The following PFKFB1 variants were observed in gnomAD, a reference collection of about 807,000 sequenced individuals.
PFKFB1 encodes 6-phosphofructo-2-kinase/fructose-2,6-bisphosphatase 1.
In PFKFB1, 34 loss-of-function variants were observed where a neutral mutation model predicts 46.4. That is an observed-to-expected ratio of 0.73 (90% CI 0.56 to 0.98). PFKFB1 has a LOEUF of 0.98. PFKFB1 is among the 50% of genes least tolerant of loss of function. The probability of loss-of-function intolerance (pLI) is 0.00; values close to 1 mark genes in which losing one functional copy is unlikely to be tolerated. For synonymous variants in PFKFB1, 119 were observed against 133.8 expected (o/e 0.89, Z 0.76); for missense variants, 393 against 376.3 (o/e 1.04, Z -0.37).
intron 3 of PFKFB1, 60 bp downstream of exon 3, chrX:54,960,764 T>G (rs756664554): frequency 1.5e-5 from 12 of 784,106 alleles, no homozygotes; most frequent in Non-Finnish European, 2.3e-5. Context: ...TCCCCCAATA[T>G]CTGAACAAGG....
At chrX:54,997,713 C>T (rs1287427974), upstream of PFKFB1, among the ~76,000 whole-genome samples, 1 of 111,275 alleles carries the variant, frequency 9.0e-6, no homozygotes, top group Non-Finnish European at 1.9e-5. Context: ...GCCTAGGATC[C>T]CCTTCCTTCT....
At chrX:54,971,770 G>A (rs1181308989) in intron 1 of PFKFB1, among the ~76,000 whole-genome samples, 9 of 111,242 alleles carry the variant, frequency 8.1e-5, no homozygotes, top group African/African-American at 2.6e-4. Flanking sequence ...GTCAGGTAGC[G>A]TGATGCCTCC....
upstream of PFKFB1, among the ~76,000 whole-genome samples, chrX:54,997,663 T>A (rs182972683): frequency 3.8e-4 from 42 of 111,628 alleles, no homozygotes; most frequent in African/African-American, 1.3e-3. Flanking sequence ...ACTTACAAGC[T>A]AGGTGCATGT....
chrX:54,937,779 G>C, intron 10 of PFKFB1, 55 bp from the exon 11 acceptor site: 1 of 1,096,686 alleles, frequency 9.1e-7, no homozygotes, highest in Non-Finnish European at 1.2e-6. Flanking sequence ...CATTTGCCCA[G>C]AGGGGAAGAA....
chrX:54,981,051 T>G (rs1934972386), intron 1 of PFKFB1, among the ~76,000 whole-genome samples: 2 of 110,903 alleles, frequency 1.8e-5, no homozygotes, highest in Admixed American at 9.6e-5. Context: ...AGATAATTAA[T>G]GAACTGGAAA....
chrX:54,992,599 T>C (rs1481886719), intron 1 of PFKFB1, among the ~76,000 whole-genome samples: 1 of 112,396 alleles, frequency 8.9e-6, no homozygotes, highest in Non-Finnish European at 1.9e-5. Context: ...CAAACAAAAG[T>C]AAGCACATAT....
At chrX:54,973,721 C>G (rs1392978977) in intron 1 of PFKFB1, among the ~76,000 whole-genome samples, 2 of 111,181 alleles carry the variant, frequency 1.8e-5, no homozygotes, top group Non-Finnish European at 3.8e-5. Context: ...GTTATAATTT[C>G]TGTTCTTTTA....
At chrX:54,938,118 T>G (rs184704560) in intron 10 of PFKFB1, among the ~76,000 whole-genome samples, 1 of 112,301 alleles carries the variant, frequency 8.9e-6, no homozygotes, top group Admixed American at 9.4e-5. Flanking sequence ...ACAGCTGCCC[T>G]GCAGGCATTT....
chrX:54,946,111 T>C (rs939004864), intron 9 of PFKFB1, among the ~76,000 whole-genome samples: 5 of 110,631 alleles, frequency 4.5e-5, no homozygotes, highest in Non-Finnish European at 7.6e-5. Context: ...GGCATGTGTG[T>C]CTGTTAATGT....
chrX:54,938,972 T>C (rs867309929), intron 10 of PFKFB1, among the ~76,000 whole-genome samples: 2 of 111,785 alleles, frequency 1.8e-5, no homozygotes, highest in Admixed American at 9.5e-5. Context: ...TATTCCAAAA[T>C]TGACCACCTG....
intron 1 of PFKFB1, among the ~76,000 whole-genome samples, chrX:54,971,476 A>C (rs1408125003): frequency 9.0e-6 from 1 of 111,495 alleles, no homozygotes; most frequent in African/African-American, 3.3e-5. Flanking sequence ...TTTAGGTCTA[A>C]TGTTTAAGTC....
intron 10 of PFKFB1, among the ~76,000 whole-genome samples, chrX:54,941,480 T>C (rs2146598750): frequency 8.9e-6 from 1 of 111,903 alleles, no homozygotes; most frequent in Non-Finnish European, 1.9e-5. Flanking sequence ...AGAAAATTTT[T>C]GCAATCTACT....
intron 1 of PFKFB1, among the ~76,000 whole-genome samples, chrX:54,986,865 T>A (rs1935126253): frequency 9.1e-6 from 1 of 110,118 alleles, no homozygotes; most frequent in African/African-American, 3.3e-5. Context: ...AAATAAAAAA[T>A]TAATAACAGA....
upstream of PFKFB1, chrX:54,994,453 G>T (rs1935326634): frequency 4.0e-6 from 3 of 752,389 alleles, no homozygotes; most frequent in South Asian, 2.0e-4. Flanking sequence ...AGAGGCAAAG[G>T]TGATGGAGGT....
intron 10 of PFKFB1, among the ~76,000 whole-genome samples, chrX:54,938,963 A>G (rs755553158): frequency 8.9e-6 from 1 of 112,050 alleles, no homozygotes; most frequent in East Asian, 2.8e-4. Context: ...CACCGCACTT[A>G]TTCCAAAATT....
At chrX:54,962,139 G>A (rs1460654671) in intron 2 of PFKFB1, among the ~76,000 whole-genome samples, 2 of 110,592 alleles carry the variant, frequency 1.8e-5, no homozygotes, top group African/African-American at 6.6e-5. Flanking sequence ...ATAGAAAGCA[G>A]GGGAATCAGA....
chrX:54,958,352 A>G lies in PFKFB1; in HGVS notation c.470T>C (p.Ile157Thr). The change falls in exon 6 of 14, where the codon ATT becomes ACT. Residue 157 changes from isoleucine (I) to threonine (T), a missense_variant. Coordinates refer to ENST00000375006, the MANE Select transcript of PFKFB1 (RefSeq NM_002625.4). ...AKEHGYKVFF[I>T]ESICNDPGII... ...GCCAGGGTCATTACAAATGGACTCA[A>G]TGAAAAACACCTATAAAAGAAACAG... is the stretch of plus-strand genomic sequence containing the variant. 1 of 1,159,667 alleles carries G rather than the reference A, an allele frequency of 8.6e-7. No individual in the cohort carries two copies. The highest frequency in any genetic ancestry group is 1.2e-6 in the Non-Finnish European group (1 of 848,922).
intron 10 of PFKFB1, among the ~76,000 whole-genome samples, chrX:54,943,723 C>T (rs1933721012): frequency 9.1e-6 from 1 of 109,427 alleles, no homozygotes; most frequent in Admixed American, 9.8e-5. Flanking sequence ...TGCACTCCAG[C>T]CTGGGTGAAA....
At chrX:54,958,241 C>G (rs1602196771) in intron 6 of PFKFB1, 65 bp downstream of exon 6, 2 of 659,893 alleles carry the variant, frequency 3.0e-6, no homozygotes, top group Admixed American at 5.5e-5. Context: ...ATAATCTCAC[C>G]TCTGCCTTAG....
Sources: allele counts gnomAD v4.1 joint callset (sites outside exome capture counted in the v4.1 genomes callset), GRCh38; gene constraint gnomAD v4.1.1; transcripts MANE v1.5; gene names NCBI Gene and HGNC (gene_info 2026-07-23, HGNC 2026-07-21).